The following DISP3 variants were observed in gnomAD, a reference collection of about 807,000 sequenced individuals.
DISP3 encodes protein dispatched homolog 3.
A neutral mutation model predicts 135.3 loss-of-function variants in DISP3; 101 were observed. That is an observed-to-expected ratio of 0.75 (90% confidence interval 0.64 to 0.88). DISP3 has a LOEUF of 0.88. Among genes scored for constraint, DISP3 ranks in the 40% least tolerant of loss-of-function variants. DISP3 has a pLI of 0.00. For synonymous variants in DISP3, 856 were observed against 817.0 expected (o/e 1.05, Z -0.81); for missense variants, 1,713 against 1,878.6 (o/e 0.91, Z 1.63).
chr1:11,516,734 CTT>C lies in DISP3; in HGVS notation c.1749+575_1749+576del, dbSNP rs966708487. 4.6e-5 allele frequency among the ~76,000 whole-genome samples: 7 copies of C among 152,186 alleles called. No individual in the cohort carries two copies. Among genetic ancestry groups the C allele is most frequent in the Non-Finnish European group, 8.8e-5 (6 of 68,048 alleles). ...TGAATTGGCCCAAGTCTTTGAGAAA[CTT>C]TACGACCTGGGCTGAGTAGCCCCTC... On this transcript the variant is annotated intron_variant, in intron 6 of 20. Transcript: ENST00000294484. The surrounding 1 kb of genome is among the most constrained non-coding windows in gnomAD (Gnocchi z 5.1).
At chr1:11,485,136 C>T (rs1641002682) in intron 1 of DISP3, among the ~76,000 whole-genome samples, 1 of 152,076 alleles carries the variant, frequency 6.6e-6, no homozygotes, top group African/African-American at 2.4e-5. Context: ...GCTGAAGGAG[C>T]AGAGGTGATA....
intron 12 of DISP3, 37 bp from the exon 13 acceptor site, chr1:11,526,614 G>A (rs768511219): frequency 1.0e-5 from 16 of 1,592,554 alleles, no homozygotes; most frequent in Admixed American, 3.4e-5. Flanking sequence ...CAGCCCCCCC[G>A]AGTCATGTGT....
intron 15 of DISP3, among the ~76,000 whole-genome samples, chr1:11,530,225 A>G (rs75875995): frequency 0.011 from 1,709 of 152,270 alleles, 26 homozygotes; most frequent in African/African-American, 0.039. Context: ...AGAGAGGGCA[A>G]TCCAGGTGGA....
intron 13 of DISP3, among the ~76,000 whole-genome samples, chr1:11,527,352 A>G (rs1223895258): frequency 2.0e-5 from 3 of 152,096 alleles, no homozygotes; most frequent in South Asian, 2.1e-4. Flanking sequence ...GATCGAGACC[A>G]TCCTGGCTAA....
intron 17 of DISP3, among the ~76,000 whole-genome samples, chr1:11,533,289 T>G (rs1287123596): frequency 1.4e-5 from 2 of 144,492 alleles, no homozygotes; most frequent in African/African-American, 5.1e-5. Context: ...GGAGTTTCAC[T>G]CTGTCACCCA....
chr1:11,488,277 G>C (rs376121736), intron 1 of DISP3, among the ~76,000 whole-genome samples: 2 of 152,168 alleles, frequency 1.3e-5, no homozygotes, highest in Non-Finnish European at 2.9e-5. Flanking sequence ...TCCTGTCTCC[G>C]TAGGCAGCTG....
rs944624458 is a variant in DISP3, at chr1:11,537,044, T to C, written c.*358T>C. 2 of 238,894 alleles carry C rather than the reference T, an allele frequency of 8.4e-6. No homozygotes were observed. The highest frequency in any genetic ancestry group is 9.0e-5 in the East Asian group (1 of 11,102). 14.8% of individuals were successfully genotyped at this position (238,894 alleles called of 1,614,324 possible). ...GCTCACAACCTTCCAGTGTGGATGT[T>C]ACAGGGTGGCCCCCATTCTACCGAT... On this transcript the variant is annotated 3_prime_UTR_variant, in exon 21 of 21. Coordinates refer to ENST00000294484, the MANE Select transcript of DISP3 (RefSeq NM_020780.2).
rs192587905 is a variant in DISP3 at position 11,491,544 on chromosome 1, G to A, written c.-3-9446G>A. On this transcript the variant is annotated intron_variant, in intron 1 of 20. Transcript: ENST00000294484. This position sits in a 1 kb window ranked among gnomAD's most constrained non-coding sequence, Gnocchi z 4.3. Reference sequence around the variant, plus strand: ...GAGGACCACTCGAGCCCGGGAGGTCGAGGCTGCAGTGAACCATCATAGTGT... The same window carrying A: ...GAGGACCACTCGAGCCCGGGAGGTCAAGGCTGCAGTGAACCATCATAGTGT... Among the ~76,000 whole-genome samples, 64 of 152,182 alleles carry A rather than the reference G, an allele frequency of 4.2e-4. No homozygotes were observed. Among genetic ancestry groups the A allele is most frequent in the Non-Finnish European group, 7.9e-4 (54 of 68,004 alleles).
chr1:11,520,893 G>T lies in DISP3; in HGVS notation c.2362+45G>T. ...TGTCCCTGGCCCGCTCAGGTGTCCG[G>T]GTCCCAAAGACTGTTGGTCTGAGAG... is the stretch of plus-strand genomic sequence containing the variant. On this transcript the variant is annotated intron_variant, in intron 10 of 20. Transcript: ENST00000294484. The surrounding 1 kb of genome is among the most constrained non-coding windows in gnomAD (Gnocchi z 4.8). The T allele has an allele frequency of 6.5e-7, 1 of 1,537,964 alleles. No homozygotes were observed.
In DISP3 at chr1:11,519,477, C is replaced by T; in HGVS notation, c.2012C>T (p.Pro671Leu). 2 of 1,613,686 alleles carry T rather than the reference C, an allele frequency of 1.2e-6. No individual in the cohort carries two copies. Among genetic ancestry groups the T allele is most frequent in the African/African-American group, 1.3e-5 (1 of 75,060 alleles). The change falls in exon 8 of 21, where the codon CCC becomes CTC. Residue 671 changes from proline to leucine, a missense_variant. Physicochemically the swap from Pro to Leu is moderately conservative, Grantham distance 98. Transcript: ENST00000294484. The surrounding 1 kb of genome is among the most constrained non-coding windows in gnomAD (Gnocchi z 4.3). ...ATACCCTACCTGGATGATGACATCC[C>T]CTTGCTGGAGGTCGAGGAAGAGCCA... ...GPIPYLDDDI[P>L]LLEVEEEPVS...
chr1:11,487,366 G>A (rs1314057343), intron 1 of DISP3, among the ~76,000 whole-genome samples: 1 of 152,222 alleles, frequency 6.6e-6, no homozygotes, highest in East Asian at 1.9e-4. Context: ...TGGAGAATGG[G>A]CAGCTGAGCC....
In DISP3 at chr1:11,499,033, G is replaced by T. The variant is rs1220144772; in HGVS notation, c.-3-1957G>T. On this transcript the variant is annotated intron_variant, in intron 1 of 20. Transcript: ENST00000294484. The surrounding 1 kb of genome is among the most constrained non-coding windows in gnomAD (Gnocchi z 5.2). ...AGAAGCTTAGACAGGAAGCTGGGGG[G>T]TTCAGATCTGGGAAAGCTTCTTGGA... Among the ~76,000 whole-genome samples, 1 of 152,158 alleles carries T rather than the reference G, an allele frequency of 6.6e-6. No homozygotes were observed. Among genetic ancestry groups the T allele is most frequent in the Non-Finnish European group, 1.5e-5 (1 of 68,030 alleles).
At position 11,524,047 on chromosome 1, in the gene DISP3, C is replaced by T; in HGVS notation, c.2468C>T (p.Thr823Ile). The part of the protein sequence containing the change: ...GVPWASRPEA[T>I]LQDFPGTVYI... Reference sequence around the variant, plus strand: ...CCCTGGGCTAGCCGGCCTGAGGCCACCCTGCAGGGTGAGCACTGGGGGTGG... The same window carrying T: ...CCCTGGGCTAGCCGGCCTGAGGCCATCCTGCAGGGTGAGCACTGGGGGTGG... Residue 823 changes from threonine (T) to isoleucine (I), a missense_variant, in exon 11 of 21, where the codon ACC (threonine) becomes ATC (isoleucine). Physicochemically the swap from Thr to Ile is moderately conservative, Grantham distance 89. Transcript: ENST00000294484. 3 of 1,610,170 alleles carry T rather than the reference C, an allele frequency of 1.9e-6. No individual in the cohort carries two copies. The highest frequency in any genetic ancestry group is 2.5e-6 in the Non-Finnish European group (3 of 1,177,212).
chr1:11,520,736 C>T lies in DISP3; in HGVS notation c.2250C>T (p.Leu750=), dbSNP rs761114265. 1.6e-5 allele frequency: 26 copies of T among 1,613,386 alleles called. No homozygotes were observed. In the South Asian group the frequency reaches 2.9e-4, roughly 18 times the overall value. Residue 750 remains leucine (L), a synonymous_variant, in exon 10 of 21, where the codon CTC becomes CTT. Transcript: ENST00000294484. This position sits in a 1 kb window ranked among gnomAD's most constrained non-coding sequence, Gnocchi z 4.8. ...TGTCCCTGGTGTTCGCCAGCCGGCT[C>T]CGCCCCGCCAGCCGGGCCCCGCTAC... ...LILSLVFASR[L]RPASRAPLLF...
chr1:11,515,584 C>T, intron 5 of DISP3, 81 bp downstream of exon 5: 2 of 1,520,204 alleles, frequency 1.3e-6, no homozygotes, highest in East Asian at 2.3e-5. Context: ...GATACAAAGC[C>T]TGGCTTCCCT....
intron 3 of DISP3, among the ~76,000 whole-genome samples, chr1:11,505,170 T>C (rs551362248): frequency 1.3e-5 from 2 of 152,338 alleles, no homozygotes; most frequent in South Asian, 2.1e-4. Flanking sequence ...TGGCAGTATT[T>C]TCAGGTGATT....
rs1354956968 is a variant in DISP3 at position 11,499,765 on chromosome 1, T to G, written c.-3-1225T>G. Reference sequence around the variant, plus strand: ...CTTTTCCTCTGTCTCTGTCTCTGTTTCCCTCCTTCCGTCACCTCCTCTTGC... The same window carrying G: ...CTTTTCCTCTGTCTCTGTCTCTGTTGCCCTCCTTCCGTCACCTCCTCTTGC... On this transcript the variant is annotated intron_variant, in intron 1 of 20. Coordinates refer to ENST00000294484, the MANE Select transcript of DISP3 (RefSeq NM_020780.2). This position sits in a 1 kb window ranked among gnomAD's most constrained non-coding sequence, Gnocchi z 5.2. 6.6e-6 allele frequency among the ~76,000 whole-genome samples: 1 copy of G among 152,148 alleles called. No individual in the cohort carries two copies. Among genetic ancestry groups the G allele is most frequent in the Non-Finnish European group, 1.5e-5 (1 of 68,020 alleles).
intron 1 of DISP3, among the ~76,000 whole-genome samples, chr1:11,480,209 C>G (rs141945985): frequency 1.3e-5 from 2 of 152,212 alleles, no homozygotes; most frequent in East Asian, 3.9e-4. Context: ...CGCTGTCCCC[C>G]ACTCACTGCG....
At chr1:11,485,121 C>T (rs2100353737) in intron 1 of DISP3, among the ~76,000 whole-genome samples, 1 of 152,260 alleles carries the variant, frequency 6.6e-6, no homozygotes, top group Non-Finnish European at 1.5e-5. Flanking sequence ...CCCCCAGGAC[C>T]TCTAGCTGAA....
Sources: allele counts gnomAD v4.1 joint callset (sites outside exome capture counted in the v4.1 genomes callset), GRCh38; gene constraint gnomAD v4.1.1; non-coding constraint Gnocchi (gnomAD v3.1); transcripts MANE v1.5; gene names NCBI Gene and HGNC (gene_info 2026-07-23, HGNC 2026-07-21).